RBFOX3: variants seen among roughly 807,000 people sequenced by gnomAD.
RBFOX3 encodes the protein RNA binding fox-1 homolog 3.
Under a neutral mutation model 48.7 loss-of-function variants are expected in RBFOX3, and 17 were observed. The ratio of observed to expected loss-of-function variants is 0.35; its 90% confidence interval spans 0.24 to 0.52. The LOEUF is 0.52. Ranked by LOEUF, RBFOX3 falls within the 20% of genes least tolerant of loss-of-function variation. The pLI, the probability that RBFOX3 is intolerant of heterozygous loss-of-function variation, is 0.94. For missense variants in RBFOX3, 382 were observed against 497.5 expected (o/e 0.77, Z 2.21); for synonymous variants, 212 against 209.5 (o/e 1.01, Z -0.10).
rs568102717 is a variant in RBFOX3, at chr17:79,094,005, G to A, written c.1077+446C>T. Among the ~76,000 whole-genome samples the A allele has an allele frequency of 3.0e-4, 46 of 152,202 alleles. 1 individual carries two copies. In the Middle Eastern group the frequency reaches 0.02, roughly 68 times the overall value. On this transcript the variant is annotated intron_variant, in intron 14 of 14. Coordinates refer to ENST00000693108, the MANE Select transcript of RBFOX3 (RefSeq NM_001350451.2). Reference sequence around the variant, plus strand: ...CACACTCCCCTCTCGGATGCGATGCGAGGGGGCTGCAGCAGTGCGGGTGGG... The same window carrying A: ...CACACTCCCCTCTCGGATGCGATGCAAGGGGGCTGCAGCAGTGCGGGTGGG...
chr17:79,467,110 C>T (rs915014664), intron 2 of RBFOX3, among the ~76,000 whole-genome samples: 2 of 152,120 alleles, frequency 1.3e-5, no homozygotes, highest in African/African-American at 4.8e-5. Context: ...CGAGATGGCT[C>T]AGGACTGCGG....
chr17:79,519,733 T>C (rs959067541), intron 1 of RBFOX3, among the ~76,000 whole-genome samples: 25,308 of 152,108 alleles, frequency 0.17, 5,474 homozygotes, highest in African/African-American at 0.5. Flanking sequence ...TGGCTGGAGA[T>C]TGAGGTCAGC....
intron 2 of RBFOX3, among the ~76,000 whole-genome samples, chr17:79,321,483 C>T (rs1395765580): frequency 6.6e-6 from 1 of 152,184 alleles, no homozygotes; most frequent in East Asian, 1.9e-4. Context: ...GACACAGAAA[C>T]ACAGACATCT....
At chr17:79,597,580 G>T in intron 1 of RBFOX3, among the ~76,000 whole-genome samples, 1 of 152,330 alleles carries the variant, frequency 6.6e-6, no homozygotes, top group Middle Eastern at 3.4e-3. Context: ...GAGAGGTTGA[G>T]ACCACCTTGG....
intron 6 of RBFOX3, among the ~76,000 whole-genome samples, chr17:79,105,567 T>C (rs1037576212): frequency 6.6e-6 from 1 of 152,170 alleles, no homozygotes; most frequent in African/African-American, 2.4e-5. Context: ...GAGTCTAGAC[T>C]GCAAATCCAA....
Position 79,379,876 on chromosome 17 carries a change from C to T in RBFOX3, c.-174-72052G>A, listed in dbSNP as rs558232408. 2.1e-4 allele frequency among the ~76,000 whole-genome samples: 32 copies of T among 152,286 alleles called. No homozygotes were observed. The South Asian group carries it at 5.6e-3, about 27-fold the overall frequency. ...AGTTACCCACCTAAGAAGCACAGAG[C>T]GGCTCTCAGGCCCGCACGAGTCTGC... On this transcript the variant is annotated intron_variant, in intron 2 of 14. Transcript: ENST00000693108.
In RBFOX3 at chr17:79,326,067, C is replaced by T. The variant is rs556319408; in HGVS notation, c.-174-18243G>A. Among the ~76,000 whole-genome samples the T allele has an allele frequency of 1.1e-4, 16 of 152,292 alleles. No individual in the cohort carries two copies. The South Asian group carries it at 1.5e-3, about 14-fold the overall frequency. Reference sequence around the variant, plus strand: ...GGCATCCTTTCCTACCACCGAAAGGCGCAGGTTAAGAACTAGCAAGAGGGG... The same window carrying T: ...GGCATCCTTTCCTACCACCGAAAGGTGCAGGTTAAGAACTAGCAAGAGGGG... On this transcript the variant is annotated intron_variant, in intron 2 of 14. Coordinates refer to ENST00000693108, the MANE Select transcript of RBFOX3 (RefSeq NM_001350451.2).
the RBFOX3 span, among the ~76,000 whole-genome samples, chr17:79,618,761 C>A: frequency 6.6e-6 from 1 of 152,138 alleles, no homozygotes; most frequent in Non-Finnish European, 1.5e-5. Flanking sequence ...CAGGTGTTTA[C>A]AATTGTGTAG....
At chr17:79,627,680 T>C in the RBFOX3 span, among the ~76,000 whole-genome samples, 2 of 152,120 alleles carry the variant, frequency 1.3e-5, no homozygotes, top group African/African-American at 4.8e-5. Flanking sequence ...GCGGCGTAGG[T>C]GGCTGGGGTG....
intron 2 of RBFOX3, among the ~76,000 whole-genome samples, chr17:79,399,595 C>T (rs4555182): frequency 0.12 from 17,542 of 152,060 alleles, 1,389 homozygotes; most frequent in African/African-American, 0.22. Context: ...GCAGGCCACG[C>T]TCTCCCAGCA....
At chr17:79,422,968 C>T (rs1333234892) in intron 2 of RBFOX3, among the ~76,000 whole-genome samples, 5 of 151,752 alleles carry the variant, frequency 3.3e-5, no homozygotes, top group African/African-American at 9.7e-5. Flanking sequence ...GAAAAGGCCA[C>T]GTGAGGTCGC....
chr17:79,144,295 A>G (rs540548091), intron 4 of RBFOX3, among the ~76,000 whole-genome samples: 25 of 152,320 alleles, frequency 1.6e-4, no homozygotes, highest in Non-Finnish European at 1.6e-4. Flanking sequence ...CCCCCGCCCC[A>G]TGGCTGCCTT....
At chr17:79,549,385 T>A (rs1177224369) in intron 1 of RBFOX3, among the ~76,000 whole-genome samples, 2 of 152,242 alleles carry the variant, frequency 1.3e-5, no homozygotes, top group African/African-American at 4.8e-5. Flanking sequence ...GCCTCCCTTT[T>A]TCCACTAGAG....
At chr17:79,208,075 C>CTG (rs2057770437) in intron 4 of RBFOX3, among the ~76,000 whole-genome samples, 1 of 152,124 alleles carries the variant, frequency 6.6e-6, no homozygotes, top group South Asian at 2.1e-4. Context: ...GCCCTTCTTC[C>CTG]TGCGTCTGGA....
chr17:79,377,698 A>T (rs1568139873), intron 2 of RBFOX3, among the ~76,000 whole-genome samples: 1 of 152,088 alleles, frequency 6.6e-6, no homozygotes, highest in Non-Finnish European at 1.5e-5. Flanking sequence ...GGGGCTTGGG[A>T]CACCGCTTGG....
At chr17:79,149,027 G>C (rs1228552573) in intron 4 of RBFOX3, among the ~76,000 whole-genome samples, 4 of 152,170 alleles carry the variant, frequency 2.6e-5, no homozygotes, top group African/African-American at 9.7e-5. Flanking sequence ...GGACTGGGTG[G>C]GATTCAAACA....
intron 1 of RBFOX3, among the ~76,000 whole-genome samples, chr17:79,498,360 G>A (rs1001781185): frequency 4.6e-5 from 7 of 152,182 alleles, no homozygotes; most frequent in African/African-American, 7.2e-5. Context: ...TCAACAAAGC[G>A]CCACCTGCCC....
chr17:79,166,043 G>T (rs1010979180), intron 4 of RBFOX3, among the ~76,000 whole-genome samples: 1 of 152,242 alleles, frequency 6.6e-6, no homozygotes, highest in African/African-American at 2.4e-5. Context: ...CAGGGAGCTG[G>T]AGTGAGATGT....
At chr17:79,325,318 A>C (rs971786635) in intron 2 of RBFOX3, among the ~76,000 whole-genome samples, 1 of 152,180 alleles carries the variant, frequency 6.6e-6, no homozygotes, top group Non-Finnish European at 1.5e-5. Flanking sequence ...AGGAGTTTAT[A>C]GCTCCCTGGG....
Sources: gnomAD v4.1 joint callset for allele counts (sites outside exome capture counted in the v4.1 genomes callset) on GRCh38, gnomAD v4.1.1 for gene constraint, MANE v1.5 for transcripts, NCBI Gene and HGNC (gene_info 2026-07-23, HGNC 2026-07-21) for gene names.